Variants in EPHB1 observed in about 807,000 individuals in gnomAD.
The protein encoded by EPHB1 is EPH receptor B1.
EPHB1 carries 30 observed loss-of-function variants against 94.4 expected under a neutral mutation model. That is an observed-to-expected ratio of 0.32 (90% CI 0.24 to 0.43). The LOEUF (loss-of-function observed/expected upper bound fraction) is 0.43. Ranked by LOEUF, EPHB1 falls within the 20% of genes least tolerant of loss-of-function variation. The pLI, the probability that EPHB1 is intolerant of heterozygous loss-of-function variation, is 1.00. For synonymous variants in EPHB1, 522 were observed against 489.1 expected, an observed-to-expected ratio of 1.07 and a Z score of -0.89; for missense variants, 1,055 against 1,308.3, an observed-to-expected ratio of 0.81 and a Z score of 2.99.
intron 3 of EPHB1, among the ~76,000 whole-genome samples, chr3:134,958,043 G>C (rs1482034372): frequency 6.6e-6 from 1 of 152,118 alleles, no homozygotes; most frequent in African/African-American, 2.4e-5. Context: ...GACGCTTGCT[G>C]TCCTCTCCTT....
intron 3 of EPHB1, among the ~76,000 whole-genome samples, chr3:135,021,943 T>C (rs1040341653): frequency 2.0e-5 from 3 of 152,204 alleles, no homozygotes; most frequent in Non-Finnish European, 4.4e-5. Flanking sequence ...TATATTTCAA[T>C]TTTAGGATCA....
intron 3 of EPHB1, among the ~76,000 whole-genome samples, chr3:135,064,996 A>C (rs1371581913): frequency 6.6e-6 from 1 of 152,034 alleles, no homozygotes; most frequent in Non-Finnish European, 1.5e-5. Context: ...TTTAATTTCC[A>C]TGTATTTGCA....
rs1941522194 is a variant in EPHB1 at position 135,162,033 on chromosome 3, A to C, written c.1438A>C (p.Asn480His). ...TTTCTTTTAGGAACACAATGAGTTC[A>C]ACTCCTCCATGGCCAGGAGTCAGAC... Reference protein sequence around the residue: ...RYYEKEHNEFNSSMARSQTNT... With the variant: ...RYYEKEHNEFHSSMARSQTNT... Residue 480 changes from asparagine to histidine, a missense_variant, in exon 7 of 16, where the codon AAC becomes CAC. Transcript: ENST00000398015. 6.2e-7 allele frequency: 1 copy of C among 1,611,128 alleles called. No homozygotes were observed. Among genetic ancestry groups the C allele is most frequent in the Non-Finnish European group, 8.5e-7 (1 of 1,178,656 alleles).
At chr3:135,024,139 G>A (rs1936063987) in intron 3 of EPHB1, among the ~76,000 whole-genome samples, 1 of 152,188 alleles carries the variant, frequency 6.6e-6, no homozygotes, top group East Asian at 1.9e-4. Context: ...TCAGCTTACA[G>A]TCTCTACCTA....
At chr3:134,832,528 C>G (rs1012800933) in intron 1 of EPHB1, among the ~76,000 whole-genome samples, 1 of 152,196 alleles carries the variant, frequency 6.6e-6, no homozygotes, top group African/African-American at 2.4e-5. Flanking sequence ...GCTATGAGTT[C>G]CCCCTTACCC....
intron 1 of EPHB1, among the ~76,000 whole-genome samples, chr3:134,818,225 A>G (rs916949249): frequency 6.6e-6 from 1 of 152,212 alleles, no homozygotes; most frequent in African/African-American, 2.4e-5. Flanking sequence ...ATTCAACAAG[A>G]AGAGAAACCT....
intron 1 of EPHB1, among the ~76,000 whole-genome samples, chr3:134,828,519 A>G (rs181366303): frequency 1.0e-3 from 153 of 152,334 alleles, no homozygotes; most frequent in African/African-American, 3.4e-3. Context: ...CTATCATTTT[A>G]TAGATCAGGA....
At chr3:135,189,156 TCTTC>T (rs1276346137) in intron 10 of EPHB1, among the ~76,000 whole-genome samples, 4 of 152,236 alleles carry the variant, frequency 2.6e-5, no homozygotes, top group African/African-American at 7.2e-5. Context: ...TTCATTGATT[TCTTC>T]CTTCCTTCTT....
intron 12 of EPHB1, among the ~76,000 whole-genome samples, chr3:135,226,828 G>C (rs1032394960): frequency 1.1e-4 from 16 of 150,852 alleles, no homozygotes; most frequent in African/African-American, 3.4e-4. Context: ...TCTTAACACA[G>C]TCATTAAGGA....
chr3:135,052,514 G>C (rs76531003), intron 3 of EPHB1, among the ~76,000 whole-genome samples: 2,285 of 152,010 alleles, frequency 0.015, 26 homozygotes, highest in Non-Finnish European at 0.022. Flanking sequence ...CAGCACTGTG[G>C]CCAAGTCATG....
chr3:134,830,563 G>A (rs2036563571), intron 1 of EPHB1, among the ~76,000 whole-genome samples: 2 of 152,280 alleles, frequency 1.3e-5, no homozygotes, highest in African/African-American at 4.8e-5. Flanking sequence ...TGGCAGGTGA[G>A]GGAAGCACTC....
At chr3:135,133,099 T>C in intron 5 of EPHB1, 50 bp downstream of exon 5, 1 of 1,518,372 alleles carries the variant, frequency 6.6e-7, no homozygotes, top group Non-Finnish European at 8.9e-7. Flanking sequence ...GCTGGCTCTT[T>C]GTCTCTAGGC....
intron 3 of EPHB1, among the ~76,000 whole-genome samples, chr3:135,086,843 G>C (rs1455487807): frequency 6.6e-6 from 1 of 152,122 alleles, no homozygotes; most frequent in East Asian, 1.9e-4. Flanking sequence ...AGTCAGAGTG[G>C]CCAGCTCAGG....
chr3:135,177,689 C>T (rs1942022396), intron 9 of EPHB1, among the ~76,000 whole-genome samples: 1 of 152,166 alleles, frequency 6.6e-6, no homozygotes, highest in African/African-American at 2.4e-5. Context: ...CTTGGGATCA[C>T]CACCCAGATA....
At chr3:134,866,505 A>C (rs2037381821) in intron 1 of EPHB1, among the ~76,000 whole-genome samples, 2 of 152,082 alleles carry the variant, frequency 1.3e-5, no homozygotes, top group South Asian at 4.2e-4. Flanking sequence ...GGGATTCCTA[A>C]GGTCCTAGGG....
chr3:134,901,382 T>A (rs949356266), intron 1 of EPHB1, among the ~76,000 whole-genome samples: 2 of 152,238 alleles, frequency 1.3e-5, no homozygotes, highest in African/African-American at 4.8e-5. Context: ...TTTAATTTAT[T>A]TGTTGGATAA....
At chr3:135,034,058 A>T (rs369059529) in intron 3 of EPHB1, among the ~76,000 whole-genome samples, 16 of 151,468 alleles carry the variant, frequency 1.1e-4, no homozygotes, top group African/African-American at 3.9e-4. Context: ...TTTTTTTTTT[A>T]AACTCTGAGA....
At chr3:134,843,116 G>T (rs2036806842) in intron 1 of EPHB1, among the ~76,000 whole-genome samples, 1 of 152,066 alleles carries the variant, frequency 6.6e-6, no homozygotes, top group South Asian at 2.1e-4. Context: ...TGGTTGTCTA[G>T]GAATGTTTTT....
intron 12 of EPHB1, among the ~76,000 whole-genome samples, chr3:135,220,127 G>A (rs1943242093): frequency 6.6e-6 from 1 of 152,144 alleles, no homozygotes; most frequent in Non-Finnish European, 1.5e-5. Context: ...CAATCTGAAG[G>A]TAGTCAAGAA....
Sources: allele counts gnomAD v4.1 joint callset (sites outside exome capture counted in the v4.1 genomes callset), GRCh38; gene constraint gnomAD v4.1.1; transcripts MANE v1.5; gene names NCBI Gene and HGNC (gene_info 2026-07-23, HGNC 2026-07-21).